The following IL1RAPL2 variants were observed in gnomAD, a reference collection of about 807,000 sequenced individuals.
IL1RAPL2 encodes the protein interleukin 1 receptor accessory protein like 2.
A neutral mutation model predicts 44.1 loss-of-function variants in IL1RAPL2; 3 were observed. That is an observed-to-expected ratio of 0.07 (90% CI 0.03 to 0.18). The LOEUF (loss-of-function observed/expected upper bound fraction) is 0.18, where lower values mean the gene tolerates loss of function less well. IL1RAPL2 is among the 10% of genes least tolerant of loss of function. IL1RAPL2 has a pLI of 1.00. For missense variants in IL1RAPL2, 391 were observed against 496.4 expected (o/e 0.79, Z 2.02); for synonymous variants, 181 against 178.8 (o/e 1.01, Z -0.10).
chrX:104,659,852 GCTTA>G (rs1361384703), intron 2 of IL1RAPL2, among the ~76,000 whole-genome samples: 1 of 111,752 alleles, frequency 8.9e-6, no homozygotes, highest in Non-Finnish European at 1.9e-5. Flanking sequence ...TGAAATGCAT[GCTTA>G]CTTTTCAAAG....
intron 1 of IL1RAPL2, among the ~76,000 whole-genome samples, chrX:104,571,515 G>A (rs917345743): frequency 9.0e-6 from 1 of 111,417 alleles, no homozygotes; most frequent in Non-Finnish European, 1.9e-5. Flanking sequence ...TCTTGTGGTA[G>A]TGAATAAATC....
intron 2 of IL1RAPL2, among the ~76,000 whole-genome samples, chrX:105,072,632 T>C (rs754740760): frequency 9.0e-6 from 1 of 111,322 alleles, no homozygotes; most frequent in Non-Finnish European, 1.9e-5. Flanking sequence ...ATCACTCTTA[T>C]TCTTTTTTTT....
intron 1 of IL1RAPL2, among the ~76,000 whole-genome samples, chrX:104,647,032 CTT>C (rs1174518880): frequency 9.4e-6 from 1 of 106,681 alleles, no homozygotes; most frequent in African/African-American, 3.4e-5. Context: ...AAATTCCAAA[CTT>C]TTTTTTTTTA....
At chrX:104,704,806 A>G (rs1931337733) in intron 2 of IL1RAPL2, among the ~76,000 whole-genome samples, 1 of 111,456 alleles carries the variant, frequency 9.0e-6, no homozygotes, top group Non-Finnish European at 1.9e-5. Flanking sequence ...TCCCGTTCCT[A>G]CTCCCTTCTT....
intron 2 of IL1RAPL2, among the ~76,000 whole-genome samples, chrX:105,023,373 G>A (rs771052373): frequency 6.3e-5 from 7 of 111,026 alleles, no homozygotes; most frequent in African/African-American, 1.6e-4. Context: ...TTACACCATC[G>A]TGCTCCAGCC....
chrX:105,663,222 T>A (rs1047582241), intron 6 of IL1RAPL2, among the ~76,000 whole-genome samples: 2 of 112,008 alleles, frequency 1.8e-5, no homozygotes, highest in Non-Finnish European at 1.9e-5. Flanking sequence ...AAGAAAAAGT[T>A]ATGTAATGAA....
rs374300788 is a variant in IL1RAPL2, at chrX:104,771,919, A to C, written c.82+112924A>C. Among the ~76,000 whole-genome samples, 11 of 112,139 alleles carry C rather than the reference A, an allele frequency of 9.8e-5. No homozygotes were observed. In the East Asian group the frequency reaches 3.1e-3, roughly 31 times the overall value. On this transcript the variant is annotated intron_variant, in intron 2 of 10. Coordinates refer to ENST00000372582, the MANE Select transcript of IL1RAPL2 (RefSeq NM_017416.2). Reference sequence around the variant, plus strand: ...CATATTATGTACATAATAAAACACAAAAATGTTATGGACACTAAATATTTT... The same window carrying C: ...CATATTATGTACATAATAAAACACACAAATGTTATGGACACTAAATATTTT...
intron 3 of IL1RAPL2, among the ~76,000 whole-genome samples, chrX:105,226,218 C>G (rs2034012854): frequency 9.1e-6 from 1 of 109,677 alleles, no homozygotes; most frequent in African/African-American, 3.3e-5. Context: ...TTTGTGTAAG[C>G]AACACAAATA....
intron 6 of IL1RAPL2, among the ~76,000 whole-genome samples, chrX:105,509,625 C>T (rs1377952501): frequency 9.0e-6 from 1 of 111,603 alleles, no homozygotes; most frequent in African/African-American, 3.3e-5. Flanking sequence ...CAGTGAAAAA[C>T]ATTGCAAAGG....
chrX:105,707,969 G>A (rs937427270), intron 6 of IL1RAPL2, among the ~76,000 whole-genome samples: 1 of 110,641 alleles, frequency 9.0e-6, no homozygotes, highest in Admixed American at 9.6e-5. Flanking sequence ...TGCCAATCAC[G>A]TAGGCTACAA....
chrX:105,319,884 A>T, intron 5 of IL1RAPL2, among the ~76,000 whole-genome samples: 1 of 111,420 alleles, frequency 9.0e-6, no homozygotes, highest in East Asian at 2.8e-4. Context: ...ATAGAAAAGA[A>T]TGCCAGCAAA....
chrX:105,533,666 A>G (rs1025631914), intron 6 of IL1RAPL2, among the ~76,000 whole-genome samples: 1 of 112,444 alleles, frequency 8.9e-6, no homozygotes, highest in Non-Finnish European at 1.9e-5. Flanking sequence ...ATCTATAATT[A>G]TTTGACAAAT....
At chrX:105,697,463 A>G (rs2038085813) in intron 6 of IL1RAPL2, among the ~76,000 whole-genome samples, 1 of 111,316 alleles carries the variant, frequency 9.0e-6, no homozygotes, top group Non-Finnish European at 1.9e-5. Context: ...CAGTGCTCAG[A>G]GTGGGTAGAA....
intron 2 of IL1RAPL2, among the ~76,000 whole-genome samples, chrX:105,109,889 T>A (rs988194361): frequency 2.7e-5 from 3 of 112,285 alleles, no homozygotes; most frequent in African/African-American, 9.7e-5. Flanking sequence ...TAAAGCTTCA[T>A]CTCGTGAATT....
At chrX:105,755,391 T>C (rs1350906548) in intron 10 of IL1RAPL2, 44 bp downstream of exon 10, 2 of 991,861 alleles carry the variant, frequency 2.0e-6, no homozygotes, top group Non-Finnish European at 1.4e-6. Flanking sequence ...CTGTTTCTTT[T>C]AGGATGTTAT....
intron 5 of IL1RAPL2, among the ~76,000 whole-genome samples, chrX:105,283,387 A>C (rs1054716877): frequency 1.2e-4 from 13 of 111,852 alleles, no homozygotes; most frequent in African/African-American, 4.2e-4. Context: ...GTTAAGAAAA[A>C]GCCATCTAGA....
At chrX:104,763,358 A>G (rs962430363) in intron 2 of IL1RAPL2, among the ~76,000 whole-genome samples, 1 of 111,902 alleles carries the variant, frequency 8.9e-6, no homozygotes, top group African/African-American at 3.3e-5. Context: ...GAAGTTCCAA[A>G]CTTTCCCACA....
chrX:105,236,241 A>G (rs2034118937), intron 4 of IL1RAPL2, among the ~76,000 whole-genome samples: 1 of 111,843 alleles, frequency 8.9e-6, no homozygotes, highest in Non-Finnish European at 1.9e-5. Context: ...AGACATCACT[A>G]TCATCCTTAC....
intron 6 of IL1RAPL2, among the ~76,000 whole-genome samples, chrX:105,674,634 T>A (rs1346552563): frequency 8.9e-6 from 1 of 112,015 alleles, no homozygotes; most frequent in Non-Finnish European, 1.9e-5. Flanking sequence ...CTTGGGATTG[T>A]CATGGCTATA....
Sources: gnomAD v4.1 joint callset for allele counts (sites outside exome capture counted in the v4.1 genomes callset) on GRCh38, gnomAD v4.1.1 for gene constraint, MANE v1.5 for transcripts, NCBI Gene and HGNC (gene_info 2026-07-23, HGNC 2026-07-21) for gene names.